The following TANGO6 variants were observed in gnomAD, a reference collection of about 807,000 sequenced individuals.
TANGO6 encodes transport and Golgi organization protein 6 homolog.
In TANGO6, 90 loss-of-function variants were observed where a neutral mutation model predicts 114.2. That is an observed-to-expected ratio of 0.79 (90% confidence interval 0.66 to 0.94). TANGO6 has a LOEUF of 0.94. Among genes scored for constraint, TANGO6 ranks in the 40% least tolerant of loss-of-function variants. The pLI is 0.00. For synonymous variants in TANGO6, 477 were observed against 509.8 expected, an observed-to-expected ratio of 0.94 and a Z score of 0.87; for missense variants, 1,274 against 1,315.3, an observed-to-expected ratio of 0.97 and a Z score of 0.49.
chr16:68,919,420 T>C (rs548467733), intron 12 of TANGO6, among the ~76,000 whole-genome samples: 1 of 152,356 alleles, frequency 6.6e-6, no homozygotes, highest in African/African-American at 2.4e-5. Context: ...GTCACCTGCA[T>C]AGACTTCACT....
chr16:69,056,561 T>G (rs1960034878), intron 17 of TANGO6, among the ~76,000 whole-genome samples: 1 of 151,378 alleles, frequency 6.6e-6, no homozygotes, highest in Non-Finnish European at 1.5e-5. Context: ...TTAAGAAGTC[T>G]GCGAAGTCCT....
chr16:68,857,248 A>G (rs921630974), intron 1 of TANGO6, among the ~76,000 whole-genome samples: 1 of 152,222 alleles, frequency 6.6e-6, no homozygotes, highest in Non-Finnish European at 1.5e-5. Flanking sequence ...GGAATTATAC[A>G]GAATACAGCT....
chr16:68,966,519 A>T (rs1358706126), intron 14 of TANGO6, among the ~76,000 whole-genome samples: 9 of 148,040 alleles, frequency 6.1e-5, no homozygotes, highest in African/African-American at 1.1e-4. Flanking sequence ...AAAATAAAAT[A>T]AAATAAATAA....
intron 14 of TANGO6, among the ~76,000 whole-genome samples, chr16:68,970,332 T>C (rs1428063334): frequency 1.3e-5 from 2 of 152,118 alleles, no homozygotes; most frequent in East Asian, 3.9e-4. Flanking sequence ...CAGAAGTAAA[T>C]GACTGTTCTC....
chr16:68,913,331 A>C (rs1962952811), intron 11 of TANGO6, among the ~76,000 whole-genome samples: 1 of 151,414 alleles, frequency 6.6e-6, no homozygotes, highest in Non-Finnish European at 1.5e-5. Context: ...TAGCAACTTG[A>C]GAAACTGGAA....
chr16:69,040,609 C>T (rs556134435), intron 17 of TANGO6, among the ~76,000 whole-genome samples, 188 bp downstream of exon 17: 2 of 152,240 alleles, frequency 1.3e-5, no homozygotes, highest in East Asian at 1.9e-4. Context: ...TCTATTACCT[C>T]AGTAACATAT....
intron 15 of TANGO6, among the ~76,000 whole-genome samples, chr16:69,021,448 T>C (rs932068226): frequency 6.6e-6 from 1 of 152,184 alleles, no homozygotes. Context: ...CATTATTCCT[T>C]ATTTCCCTTA....
intron 16 of TANGO6, among the ~76,000 whole-genome samples, chr16:69,023,865 G>A (rs556586651): frequency 7.9e-4 from 120 of 152,224 alleles, no homozygotes; most frequent in African/African-American, 2.6e-3. Context: ...GCCATACAAC[G>A]TGTTGGGGCC....
At chr16:68,856,322 G>A (rs539245358) in intron 1 of TANGO6, among the ~76,000 whole-genome samples, 1 of 152,262 alleles carries the variant, frequency 6.6e-6, no homozygotes, top group East Asian at 1.9e-4. Flanking sequence ...TTTGTCAAAT[G>A]CTTTTTCTGC....
At position 69,017,536 on chromosome 16, in the gene TANGO6, C is replaced by T. The variant is rs552577326; in HGVS notation, c.2843-5292C>T. Among the ~76,000 whole-genome samples the T allele has an allele frequency of 1.4e-4, 22 of 152,230 alleles. No individual in the cohort carries two copies. The East Asian group carries it at 3.5e-3, about 24-fold the overall frequency. The stretch of plus-strand genomic sequence containing the variant: ...TTCCTTCCTGACAAGGAACCTTCTT[C>T]CTTTAACCACAACAGCCTCCCACTC... On this transcript the variant is annotated intron_variant, in intron 15 of 17. Transcript: ENST00000261778.
chr16:68,976,758 G>A (rs899515382), intron 15 of TANGO6, among the ~76,000 whole-genome samples: 2 of 152,294 alleles, frequency 1.3e-5, no homozygotes, highest in Admixed American at 1.3e-4. Flanking sequence ...TTCCGTTTTA[G>A]GGCTGTGTTC....
At chr16:68,844,967 C>CTT (rs200473627) in intron 1 of TANGO6, among the ~76,000 whole-genome samples, 9,796 of 131,132 alleles carry the variant, frequency 0.075, 879 homozygotes, top group African/African-American at 0.19. Context: ...AACGGCAACT[C>CTT]TTTTTTTTTT....
chr16:68,987,929 C>T (rs1034862212), intron 15 of TANGO6, among the ~76,000 whole-genome samples: 2 of 152,192 alleles, frequency 1.3e-5, no homozygotes, highest in Non-Finnish European at 1.5e-5. Context: ...TTTTCATATG[C>T]TTATTTTCTA....
At chr16:69,030,425 T>TA (rs549272638) in intron 16 of TANGO6, among the ~76,000 whole-genome samples, 2 of 151,450 alleles carry the variant, frequency 1.3e-5, no homozygotes, top group African/African-American at 2.4e-5. Context: ...ATTAAGCAGG[T>TA]AAAAAAAGGC....
At chr16:69,055,728 T>C (rs1356745128) in intron 17 of TANGO6, among the ~76,000 whole-genome samples, 2 of 152,226 alleles carry the variant, frequency 1.3e-5, no homozygotes, top group African/African-American at 4.8e-5. Flanking sequence ...GTGATGTTAG[T>C]GATGGGCTTG....
At chr16:68,987,250 A>G (rs1597048599) in intron 15 of TANGO6, among the ~76,000 whole-genome samples, 1 of 152,166 alleles carries the variant, frequency 6.6e-6, no homozygotes, top group Non-Finnish European at 1.5e-5. Context: ...TCTTGTATAC[A>G]TGTACATGTT....
At chr16:68,867,391 A>T in intron 4 of TANGO6, 171 bp downstream of exon 4, 1 of 717,890 alleles carries the variant, frequency 1.4e-6, no homozygotes, top group Non-Finnish European at 2.2e-6. Context: ...CTTCTTTTCC[A>T]AAGAAACTAA....
intron 17 of TANGO6, among the ~76,000 whole-genome samples, chr16:69,065,513 T>C (rs1567569346): frequency 6.6e-6 from 1 of 152,196 alleles, no homozygotes; most frequent in Non-Finnish European, 1.5e-5. Flanking sequence ...CCTCATCTCC[T>C]TTCCACCCCA....
At chr16:68,845,284 A>G (rs987570948) in intron 1 of TANGO6, among the ~76,000 whole-genome samples, 1 of 152,130 alleles carries the variant, frequency 6.6e-6, no homozygotes, top group African/African-American at 2.4e-5. Context: ...TCTCTATTGT[A>G]TGACTGAGAA....
Sources: gnomAD v4.1 joint callset for allele counts (sites outside exome capture counted in the v4.1 genomes callset) on GRCh38, gnomAD v4.1.1 for gene constraint, MANE v1.5 for transcripts, NCBI Gene and HGNC (gene_info 2026-07-23, HGNC 2026-07-21) for gene names.